The following RIMS1 variants were observed in gnomAD, a reference collection of about 807,000 sequenced individuals.
RIMS1 encodes the protein regulating synaptic membrane exocytosis 1.
Under a neutral mutation model 214.1 loss-of-function variants are expected in RIMS1, and 83 were observed. The ratio of observed to expected loss-of-function variants is 0.39; its 90% CI spans 0.32 to 0.47. The LOEUF is 0.47. RIMS1 is among the 20% of genes least tolerant of loss of function. The probability of loss-of-function intolerance (pLI) is 0.99; values close to 1 mark genes in which losing one functional copy is unlikely to be tolerated. For missense variants in RIMS1, 2,050 were observed against 2,161.8 expected, an observed-to-expected ratio of 0.95 and a Z score of 1.03; for synonymous variants, 793 against 786.8, an observed-to-expected ratio of 1.01 and a Z score of -0.13.
intron 4 of RIMS1, among the ~76,000 whole-genome samples, chr6:72,140,188 A>G (rs78890215): frequency 3.9e-4 from 59 of 151,874 alleles, no homozygotes; most frequent in Non-Finnish European, 2.8e-4. Context: ...TTTTTTATTT[A>G]AAAAAAATCA....
chr6:72,121,625 C>T (rs2038338844), intron 4 of RIMS1, among the ~76,000 whole-genome samples: 1 of 151,838 alleles, frequency 6.6e-6, no homozygotes, highest in Admixed American at 6.6e-5. Context: ...TCCTCTTTTC[C>T]TAATTGAATA....
At chr6:72,232,956 T>A (rs1055374347) in intron 6 of RIMS1, among the ~76,000 whole-genome samples, 3 of 151,836 alleles carry the variant, frequency 2.0e-5, no homozygotes, top group African/African-American at 7.2e-5. Context: ...TCAAGATCTA[T>A]GCAGAGAAAA....
chr6:72,302,552 C>T (rs1490063857), intron 26 of RIMS1, among the ~76,000 whole-genome samples: 1 of 151,152 alleles, frequency 6.6e-6, no homozygotes, highest in Non-Finnish European at 1.5e-5. Context: ...CATTTATATT[C>T]TTCTGTCTAC....
At chr6:72,226,102 A>G (rs1041240946) in intron 6 of RIMS1, among the ~76,000 whole-genome samples, 19 of 152,140 alleles carry the variant, frequency 1.2e-4, no homozygotes, top group Admixed American at 1.2e-3. Context: ...TTCTTATTTT[A>G]TAATCCTAAG....
intron 2 of RIMS1, among the ~76,000 whole-genome samples, chr6:72,011,310 C>T (rs1471514611): frequency 2.6e-5 from 4 of 152,190 alleles, no homozygotes; most frequent in Non-Finnish European, 5.9e-5. Context: ...CTTCCTTACA[C>T]CTTACACAAA....
chr6:72,300,630 T>C (rs1172242554), intron 26 of RIMS1, among the ~76,000 whole-genome samples: 1 of 151,808 alleles, frequency 6.6e-6, no homozygotes, highest in Admixed American at 6.6e-5. Flanking sequence ...AAGTGCATCT[T>C]ATGGGAGATA....
intron 2 of RIMS1, among the ~76,000 whole-genome samples, chr6:71,973,767 G>A (rs927344812): frequency 1.1e-4 from 17 of 152,082 alleles, no homozygotes; most frequent in Admixed American, 3.9e-4. Flanking sequence ...AGAAGGGGCC[G>A]GCATACCTCC....
chr6:72,300,695 C>A (rs979028496), intron 26 of RIMS1, among the ~76,000 whole-genome samples: 1 of 151,722 alleles, frequency 6.6e-6, no homozygotes, highest in Non-Finnish European at 1.5e-5. Flanking sequence ...CTTTGTATAA[C>A]CCTAAAGGAC....
In RIMS1 at chr6:71,946,441, T is replaced by A. The variant is rs765574591; in HGVS notation, c.165-22542T>A. Among the ~76,000 whole-genome samples the A allele has an allele frequency of 5.3e-5, 8 of 152,150 alleles. No individual in the cohort carries two copies. The East Asian group carries it at 1.5e-3, about 29-fold the overall frequency. ...GCTGGCATAAAAACAAACATGTAGA[T>A]CAATGGAACAGAATAAAGAGCATGG... is the stretch of plus-strand genomic sequence containing the variant. On this transcript the variant is annotated intron_variant, in intron 1 of 33. Coordinates refer to ENST00000521978, the MANE Select transcript of RIMS1 (RefSeq NM_014989.7).
chr6:71,964,203 G>A (rs1451013670), intron 1 of RIMS1, among the ~76,000 whole-genome samples: 3 of 152,144 alleles, frequency 2.0e-5, no homozygotes, highest in Non-Finnish European at 1.5e-5. Flanking sequence ...ATTGGGAAGA[G>A]CATTCCACAC....
chr6:71,889,470 T>C (rs1319769327), intron 1 of RIMS1, among the ~76,000 whole-genome samples: 1 of 152,212 alleles, frequency 6.6e-6, no homozygotes, highest in African/African-American at 2.4e-5. Context: ...TCACTGTATA[T>C]GATGCTGTTA....
At chr6:72,288,667 A>G (rs1266221930) in intron 24 of RIMS1, among the ~76,000 whole-genome samples, 1 of 152,130 alleles carries the variant, frequency 6.6e-6, no homozygotes, top group Non-Finnish European at 1.5e-5. Flanking sequence ...ACTTGGTTCT[A>G]TCATCTCTCC....
intron 4 of RIMS1, among the ~76,000 whole-genome samples, chr6:72,135,702 G>A (rs147617301): frequency 6.6e-6 from 1 of 152,256 alleles, no homozygotes; most frequent in African/African-American, 2.4e-5. Context: ...TCTACAATCA[G>A]AGAACAGCCA....
intron 29 of RIMS1, among the ~76,000 whole-genome samples, chr6:72,383,318 T>G (rs1220691490): frequency 6.6e-6 from 1 of 152,172 alleles, no homozygotes; most frequent in Non-Finnish European, 1.5e-5. Context: ...TTCTTTCCTT[T>G]TCACACTTAC....
Position 72,260,762 on chromosome 6 carries a change from T to C in RIMS1, c.3111T>C (p.Thr1037=). The change falls in exon 19 of 34, where the codon ACT becomes ACC. Residue 1037 remains threonine (T), a synonymous_variant. Transcript: ENST00000521978. The part of the protein sequence containing the change: ...KRGRSAECLH[T]TRHLVRHYKT... ...GACGAAGTGCAGAATGCCTACATACTACCAGGTAAATACAGGGATTTGGTA... is the reference window on the plus strand; with the variant it reads ...GACGAAGTGCAGAATGCCTACATACCACCAGGTAAATACAGGGATTTGGTA... The C allele has an allele frequency of 1.2e-6, 2 of 1,612,224 alleles. No homozygotes were observed. The highest frequency in any genetic ancestry group is 2.2e-5 in the South Asian group (2 of 90,882).
At chr6:72,117,468 A>G (rs906823023) in intron 4 of RIMS1, among the ~76,000 whole-genome samples, 4 of 151,908 alleles carry the variant, frequency 2.6e-5, no homozygotes, top group South Asian at 2.1e-4. Flanking sequence ...TCGGTGGAAT[A>G]TTAAAGCCTC....
intron 29 of RIMS1, among the ~76,000 whole-genome samples, chr6:72,347,513 G>A (rs1220307204): frequency 6.6e-6 from 1 of 151,810 alleles, no homozygotes; most frequent in Non-Finnish European, 1.5e-5. Flanking sequence ...TTAACTTATG[G>A]TGTAGGCCAC....
At chr6:72,064,216 G>A (rs2152267663) in intron 2 of RIMS1, among the ~76,000 whole-genome samples, 1 of 152,250 alleles carries the variant, frequency 6.6e-6, no homozygotes, top group Non-Finnish European at 1.5e-5. Flanking sequence ...AACTTGGGAG[G>A]CTGAGGCAGG....
chr6:72,171,457 C>T (rs1186305617), intron 4 of RIMS1, among the ~76,000 whole-genome samples: 2 of 151,578 alleles, frequency 1.3e-5, no homozygotes, highest in South Asian at 4.2e-4. Context: ...AATCTGATAG[C>T]CCCCCCGAAC....
Sources: allele counts gnomAD v4.1 joint callset (sites outside exome capture counted in the v4.1 genomes callset), GRCh38; gene constraint gnomAD v4.1.1; transcripts MANE v1.5; gene names NCBI Gene and HGNC (gene_info 2026-07-23, HGNC 2026-07-21).